The following POLR3C variants were observed in gnomAD, a reference collection of about 807,000 sequenced individuals.
POLR3C encodes DNA-directed RNA polymerase III subunit RPC3.
POLR3C carries 44 observed loss-of-function variants against 65.9 expected under a neutral mutation model. The ratio of observed to expected loss-of-function variants is 0.67; its 90% CI spans 0.52 to 0.86. The LOEUF is 0.86. POLR3C is among the 40% of genes least tolerant of loss of function. POLR3C has a pLI of 0.00. For missense variants in POLR3C, 576 were observed against 653.2 expected (o/e 0.88, Z 1.29); for synonymous variants, 263 against 231.6 (o/e 1.14, Z -1.23).
rs1275341546 is a variant in POLR3C at position 145,844,122 on chromosome 1, A to C, written c.*1702A>C. Among the ~76,000 whole-genome samples, 4 of 152,216 alleles carry C rather than the reference A, an allele frequency of 2.6e-5. No individual in the cohort carries two copies. Among genetic ancestry groups the C allele is most frequent in the African/African-American group, 9.6e-5 (4 of 41,456 alleles). ...ACTACAGAGGTTCCTCAAAAAACTA[A>C]AAACAGAACTATGCTCCAGCAGTTC... On this transcript the variant is annotated 3_prime_UTR_variant, in exon 15 of 15. Coordinates refer to ENST00000334163, the MANE Select transcript of POLR3C (RefSeq NM_006468.8).
intron 11 of POLR3C, chr1:145,839,539 A>G (rs1553729815): frequency 5.5e-6 from 1 of 180,586 alleles, no homozygotes; most frequent in Non-Finnish European, 1.2e-5. Flanking sequence ...CAGCCTGGAA[A>G]ATATAGTGAG....
rs1176855996 is a variant in POLR3C, at chr1:145,843,885, G to A, written c.*1465G>A. On this transcript the variant is annotated 3_prime_UTR_variant, in exon 15 of 15. Coordinates refer to ENST00000334163, the MANE Select transcript of POLR3C (RefSeq NM_006468.8). The stretch of plus-strand genomic sequence containing the variant: ...CAAAAGATCTTAATAGGTAGTTTTC[G>A]AAAGAAGATACACAAATGGCCGACA... Among the ~76,000 whole-genome samples, 2 of 152,076 alleles carry A rather than the reference G, an allele frequency of 1.3e-5. No individual in the cohort carries two copies. Among genetic ancestry groups the A allele is most frequent in the Admixed American group, 6.6e-5 (1 of 15,266 alleles).
intron 11 of POLR3C, among the ~76,000 whole-genome samples, chr1:145,838,451 G>A (rs1454869905): frequency 6.6e-6 from 1 of 152,190 alleles, no homozygotes; most frequent in Non-Finnish European, 1.5e-5. Context: ...GGAGGCCAAG[G>A]TGGGCAAATC....
intron 11 of POLR3C, chr1:145,839,474 T>G (rs1290081669): frequency 6.1e-6 from 1 of 163,398 alleles, no homozygotes; most frequent in East Asian, 1.8e-4. Flanking sequence ...ACCTGTATTC[T>G]CAGCACTTTG....
chr1:145,825,646 G>A, intron 1 of POLR3C, 111 bp from the exon 2 acceptor site: 1 of 553,890 alleles, frequency 1.8e-6, no homozygotes, highest in South Asian at 3.3e-5. Context: ...AAGGCTTTTT[G>A]ATATGTATTG....
chr1:145,836,004 A>G (rs1382790637), intron 7 of POLR3C, among the ~76,000 whole-genome samples: 3 of 151,834 alleles, frequency 2.0e-5, no homozygotes, highest in Non-Finnish European at 4.4e-5. Context: ...TGGCCGTGCT[A>G]TATTTTATTT....
At chr1:145,836,643 T>TA in intron 8 of POLR3C, 69 bp downstream of exon 8, 1 of 1,023,452 alleles carries the variant, frequency 9.8e-7, no homozygotes, top group Middle Eastern at 2.0e-4. Flanking sequence ...TCTGCACTGA[T>TA]ACCTAGTGTC....
intron 6 of POLR3C, 51 bp from the exon 7 acceptor site, chr1:145,833,439 G>A (rs782015848): frequency 6.5e-7 from 1 of 1,544,606 alleles, no homozygotes; most frequent in Non-Finnish European, 9.0e-7. Flanking sequence ...TTGGCACATA[G>A]AGCCAGGGGC....
At position 145,836,501 on chromosome 1, in the gene POLR3C, G is replaced by C; in HGVS notation, c.884G>C (p.Arg295Thr). 6.3e-7 allele frequency: 1 copy of C among 1,589,252 alleles called. No individual in the cohort carries two copies. The highest frequency in any genetic ancestry group is 1.3e-5 in the African/African-American group (1 of 74,560). Residue 295 changes from arginine to threonine, a missense_variant, in exon 8 of 15, where the codon AGA (arginine) becomes ACA (threonine). By Grantham distance (71) the Arg-to-Thr change is moderately conservative (BLOSUM62 -1). Transcript: ENST00000334163. Reference sequence around the variant, plus strand: ...GTGTCCTTTGCTCCATAGATCTTCAGATCCCTACCTGTTGGCTATAACATC... The same window carrying C: ...GTGTCCTTTGCTCCATAGATCTTCACATCCCTACCTGTTGGCTATAACATC... ...TQPLSSNEIF[R>T]SLPVGYNISK... is the part of the protein sequence containing the mutation.
intron 7 of POLR3C, among the ~76,000 whole-genome samples, chr1:145,835,731 G>A (rs1651763712): frequency 6.6e-6 from 1 of 151,852 alleles, no homozygotes; most frequent in Non-Finnish European, 1.5e-5. Flanking sequence ...ATGCCACCAC[G>A]CCAGGCTAAT....
chr1:145,836,651 G>A lies in POLR3C; in HGVS notation c.957+77G>A, dbSNP rs9729715. The A allele has an allele frequency of 9.2e-3, 9,133 of 997,184 alleles. 537 individuals carry two copies. In the African/African-American group the frequency reaches 0.13, roughly 14 times the overall value. The allele number at this position is 997,184 out of a possible 1,614,324, so 61.8% of individuals were successfully genotyped here. A position where few individuals can be genotyped will look rare whatever the true frequency, so the allele number is the denominator to read the frequency against. On this transcript the variant is annotated intron_variant, in intron 8 of 14. Transcript: ENST00000334163. ...ATTTATTTCTGCACTGATACCTAGT[G>A]TCATCCTCCTGCAGAGTTATTCTCT... is the stretch of plus-strand genomic sequence containing the variant.
At position 145,839,958 on chromosome 1, in the gene POLR3C, A is replaced by C. The variant is rs782169531; in HGVS notation, c.1290A>C (p.Ser430=). ...TFYLYTVNIL[S]AARMLLHRCY... ...ATTTATATACTGTGAACATCCTGTC[A>C]GCTGCCCGAATGTTGTTGCACAGGT... The change falls in exon 12 of 15, where the codon TCA becomes TCC. Residue 430 remains serine (S), a synonymous_variant. Transcript: ENST00000334163. The C allele has an allele frequency of 3.7e-6, 6 of 1,611,782 alleles. No individual in the cohort carries two copies. In the Admixed American group the frequency reaches 8.3e-5, roughly 22 times the overall value.
At chr1:145,836,440 A>T in intron 7 of POLR3C, 54 bp from the exon 8 acceptor site, 2 of 968,170 alleles carry the variant, frequency 2.1e-6, no homozygotes, top group South Asian at 2.6e-5. Context: ...TTATTTCAGT[A>T]AGGTCAGGAG....
chr1:145,824,244 G>T lies in POLR3C; in HGVS notation c.-146G>T. The T allele has an allele frequency of 3.7e-6, 1 of 267,708 alleles. No homozygotes were observed. Among genetic ancestry groups the T allele is most frequent in the South Asian group, 3.5e-5 (1 of 28,656 alleles). 16.6% of individuals were successfully genotyped at this position (267,708 alleles called of 1,614,324 possible). A position where few individuals can be genotyped will look rare whatever the true frequency, so the allele number is the denominator to read the frequency against. On this transcript the variant is annotated 5_prime_UTR_variant, in exon 1 of 15. Coordinates refer to ENST00000334163, the MANE Select transcript of POLR3C (RefSeq NM_006468.8). Reference sequence around the variant, plus strand: ...GCTTTTCCGCGTCTTCTTCGGTGGCGATCCGCGTCCTAGAAAGGGCGGTGG... The same window carrying T: ...GCTTTTCCGCGTCTTCTTCGGTGGCTATCCGCGTCCTAGAAAGGGCGGTGG...
intron 7 of POLR3C, among the ~76,000 whole-genome samples, chr1:145,833,841 C>G (rs1307831109): frequency 6.6e-6 from 1 of 152,136 alleles, no homozygotes; most frequent in African/African-American, 2.4e-5. Flanking sequence ...TTTAAGAATC[C>G]ACAATTTGGA....
At chr1:145,838,801 A>T (rs1229485881) in intron 11 of POLR3C, among the ~76,000 whole-genome samples, 1 of 152,158 alleles carries the variant, frequency 6.6e-6, no homozygotes, top group Non-Finnish European at 1.5e-5. Flanking sequence ...TAATTCTGTT[A>T]TAGTTTAAAT....
Position 145,828,853 on chromosome 1 carries a change from G to T in POLR3C, c.678+16G>T. 7.3e-7 allele frequency: 1 copy of T among 1,376,820 alleles called. No homozygotes were observed. Among genetic ancestry groups the T allele is most frequent in the South Asian group, 1.2e-5 (1 of 86,286 alleles). The allele number at this position is 1,376,820 out of a possible 1,614,324, so 85.3% of individuals were successfully genotyped here. On this transcript the variant is annotated intron_variant, in intron 5 of 14. Coordinates refer to ENST00000334163, the MANE Select transcript of POLR3C (RefSeq NM_006468.8). ...TAACAAGGAGGTAATGGGGCTTCTT[G>T]ATTAGAAGTCCTCACCCTGAAGCAG...
At chr1:145,824,707 G>A (rs1191709865) in intron 1 of POLR3C, among the ~76,000 whole-genome samples, 3 of 152,094 alleles carry the variant, frequency 2.0e-5, no homozygotes, top group Admixed American at 2.0e-4. Context: ...CTTTGTCAAG[G>A]AGTAGAAGTT....
At chr1:145,836,657 C>G (rs1651875723) in intron 8 of POLR3C, 83 bp downstream of exon 8, 2 of 982,106 alleles carry the variant, frequency 2.0e-6, no homozygotes, top group Non-Finnish European at 1.7e-6. Flanking sequence ...TAGTGTCATC[C>G]TCCTGCAGAG....
Sources: gnomAD v4.1 joint callset for allele counts (sites outside exome capture counted in the v4.1 genomes callset) on GRCh38, gnomAD v4.1.1 for gene constraint, MANE v1.5 for transcripts, NCBI Gene and HGNC (gene_info 2026-07-23, HGNC 2026-07-21) for gene names.